Variants in IL1RAPL2 observed in about 807,000 individuals in gnomAD.
The protein encoded by IL1RAPL2 is X-linked interleukin-1 receptor accessory protein-like 2.
In IL1RAPL2, 3 loss-of-function variants were observed where a neutral mutation model predicts 44.1. The observed-to-expected ratio is 0.07, with a 90% CI of 0.03 to 0.18. The LOEUF (loss-of-function observed/expected upper bound fraction) is 0.18. Among genes scored for constraint, IL1RAPL2 ranks in the 10% least tolerant of loss-of-function variants. The pLI, the probability that IL1RAPL2 is intolerant of heterozygous loss-of-function variation, is 1.00. For missense variants in IL1RAPL2, 391 were observed against 496.4 expected (o/e 0.79, Z 2.02); for synonymous variants, 181 against 178.8 (o/e 1.01, Z -0.10).
chrX:104,907,558 G>A (rs1360511403), intron 2 of IL1RAPL2, among the ~76,000 whole-genome samples: 1 of 111,763 alleles, frequency 8.9e-6, no homozygotes, highest in Non-Finnish European at 1.9e-5. Flanking sequence ...ATTTCGTTAT[G>A]TACCCAGTCG....
At chrX:105,407,775 A>C (rs1197014393) in intron 5 of IL1RAPL2, among the ~76,000 whole-genome samples, 2 of 111,800 alleles carry the variant, frequency 1.8e-5, no homozygotes, top group Non-Finnish European at 3.8e-5. Flanking sequence ...GGAATAACTT[A>C]CCTATCACTA....
At chrX:105,636,095 C>G (rs759043966) in intron 6 of IL1RAPL2, among the ~76,000 whole-genome samples, 3 of 110,177 alleles carry the variant, frequency 2.7e-5, no homozygotes, top group Non-Finnish European at 5.7e-5. Context: ...TGAAGAGTAG[C>G]CAGTGGAGAG....
intron 4 of IL1RAPL2, among the ~76,000 whole-genome samples, chrX:105,244,566 A>G (rs1259744043): frequency 9.0e-6 from 1 of 111,210 alleles, no homozygotes; most frequent in Non-Finnish European, 1.9e-5. Context: ...ACAGAAAACC[A>G]TGGAGCTTTG....
chrX:105,628,012 G>T (rs768493560), intron 6 of IL1RAPL2, among the ~76,000 whole-genome samples: 30 of 111,263 alleles, frequency 2.7e-4, no homozygotes, highest in Non-Finnish European at 4.5e-4. Context: ...GCTGCAGTTT[G>T]TGTGTCTGGG....
intron 5 of IL1RAPL2, among the ~76,000 whole-genome samples, chrX:105,359,405 C>T (rs1252347228): frequency 1.8e-5 from 2 of 111,686 alleles, no homozygotes; most frequent in African/African-American, 6.5e-5. Context: ...TGTAAAGGTA[C>T]TATGTTGTGC....
intron 2 of IL1RAPL2, among the ~76,000 whole-genome samples, chrX:104,667,837 T>G (rs1169269653): frequency 7.2e-5 from 8 of 111,552 alleles, no homozygotes; most frequent in Non-Finnish European, 1.5e-4. Context: ...ACAACTCTTA[T>G]AAAAGGCATA....
intron 2 of IL1RAPL2, among the ~76,000 whole-genome samples, chrX:105,068,817 T>G (rs2032170241): frequency 1.8e-5 from 2 of 112,334 alleles, no homozygotes; most frequent in African/African-American, 6.5e-5. Context: ...GCAAAACACG[T>G]AAAATGGTTG....
At chrX:104,815,376 T>G (rs1921104802) in intron 2 of IL1RAPL2, among the ~76,000 whole-genome samples, 1 of 111,098 alleles carries the variant, frequency 9.0e-6, no homozygotes, top group Admixed American at 9.6e-5. Context: ...CTTTTTCACC[T>G]TCTTGAGGGT....
intron 2 of IL1RAPL2, among the ~76,000 whole-genome samples, chrX:104,824,521 C>T (rs771720470): frequency 2.7e-5 from 3 of 111,582 alleles, no homozygotes; most frequent in Non-Finnish European, 5.7e-5. Flanking sequence ...TGGTCCTGGG[C>T]TTTTTTGGTT....
At chrX:105,077,013 C>T (rs759715251) in intron 2 of IL1RAPL2, among the ~76,000 whole-genome samples, 6 of 110,806 alleles carry the variant, frequency 5.4e-5, no homozygotes, top group South Asian at 3.8e-4. Context: ...CCAGTCTGTG[C>T]CTTTTAATTG....
At chrX:105,548,024 A>G (rs2036818870) in intron 6 of IL1RAPL2, among the ~76,000 whole-genome samples, 1 of 111,955 alleles carries the variant, frequency 8.9e-6, no homozygotes, top group African/African-American at 3.2e-5. Context: ...CTATTTTATC[A>G]GAGTTCAACT....
At chrX:105,648,885 A>G (rs936678437) in intron 6 of IL1RAPL2, among the ~76,000 whole-genome samples, 1 of 111,420 alleles carries the variant, frequency 9.0e-6, no homozygotes, top group Non-Finnish European at 1.9e-5. Flanking sequence ...CTCAATCCCA[A>G]GTGTCAGTGT....
intron 5 of IL1RAPL2, among the ~76,000 whole-genome samples, chrX:105,316,515 A>T (rs1321387): frequency 0.1 from 11,603 of 111,503 alleles, 1,505 homozygotes; most frequent in African/African-American, 0.36. Context: ...AGGGTCAGGA[A>T]ATTTGAGTAC....
At chrX:105,096,237 G>C (rs1212417692) in intron 2 of IL1RAPL2, among the ~76,000 whole-genome samples, 1 of 111,708 alleles carries the variant, frequency 9.0e-6, no homozygotes, top group Non-Finnish European at 1.9e-5. Flanking sequence ...GCTGATGGGA[G>C]GTAAAAATGT....
chrX:104,730,380 A>T (rs1311952038), intron 2 of IL1RAPL2, among the ~76,000 whole-genome samples: 4 of 33,544 alleles, frequency 1.2e-4, no homozygotes, highest in Admixed American at 6.7e-4. Context: ...CCTCCCCCCC[A>T]CCCCAGAACA....
chrX:105,025,291 T>C (rs2031349827), intron 2 of IL1RAPL2, among the ~76,000 whole-genome samples: 2 of 111,680 alleles, frequency 1.8e-5, no homozygotes, highest in Admixed American at 1.9e-4. Context: ...ATAGCACTAC[T>C]TATTGGGCAA....
chrX:105,097,281 C>T (rs1330260911), intron 2 of IL1RAPL2, among the ~76,000 whole-genome samples: 2 of 96,790 alleles, frequency 2.1e-5, no homozygotes, highest in Non-Finnish European at 4.0e-5. Context: ...GAGCCGACAT[C>T]GCACCACTGC....
chrX:104,610,829 T>C (rs911674327), intron 1 of IL1RAPL2, among the ~76,000 whole-genome samples: 4 of 111,958 alleles, frequency 3.6e-5, no homozygotes, highest in Non-Finnish European at 7.5e-5. Flanking sequence ...AAGTCAATCC[T>C]AAGCCAAAAG....
chrX:105,459,810 C>T (rs2036080775), intron 5 of IL1RAPL2, among the ~76,000 whole-genome samples: 1 of 110,883 alleles, frequency 9.0e-6, no homozygotes, highest in African/African-American at 3.3e-5. Context: ...GCTTTGCTAC[C>T]CTAGCTGGGA....
Sources: gnomAD v4.1 joint callset for allele counts (sites outside exome capture counted in the v4.1 genomes callset) on GRCh38, gnomAD v4.1.1 for gene constraint, MANE v1.5 for transcripts, NCBI Gene and HGNC (gene_info 2026-07-23, HGNC 2026-07-21) for gene names.